Variants in ZHX2 observed in about 807,000 individuals in gnomAD.
ZHX2 encodes the protein zinc fingers and homeoboxes protein 2.
A neutral mutation model predicts 21.9 loss-of-function variants in ZHX2; 6 were observed. The observed-to-expected ratio is 0.27, with a 90% CI of 0.15 to 0.54. The LOEUF is 0.54. Ranked by LOEUF, ZHX2 falls within the 20% of genes least tolerant of loss-of-function variation. The pLI is 0.95. For synonymous variants in ZHX2, 434 were observed against 437.1 expected (o/e 0.99, Z 0.09); for missense variants, 908 against 1,090.7 (o/e 0.83, Z 2.36).
Position 122,817,330 on chromosome 8 carries a change from C to T in ZHX2, c.-283+35384C>T, listed in dbSNP as rs569025297. 3.9e-5 allele frequency among the ~76,000 whole-genome samples: 6 copies of T among 152,322 alleles called. No individual in the cohort carries two copies. The East Asian group carries it at 7.7e-4, about 20-fold the overall frequency. On this transcript the variant is annotated intron_variant, in intron 1 of 3. Transcript: ENST00000314393. ...TACAGGCCCTTTTATCCTGCCCCAC[C>T]TGCCCACTCACTGTGCCCAGCACCA...
chr8:122,896,078 A>G (rs1387176569), intron 2 of ZHX2, among the ~76,000 whole-genome samples: 1 of 152,154 alleles, frequency 6.6e-6, no homozygotes, highest in African/African-American at 2.4e-5. Context: ...TGGGGAGTCC[A>G]TCCTGCCTGA....
chr8:122,953,919 G>T lies in ZHX2; in HGVS notation c.2409G>T (p.Ala803=), dbSNP rs3802265. ...YVEVTVGEED[A]ISDRSDSWSQ... is the part of the protein sequence containing the mutation. ...AGGTGACGGTCGGGGAGGAGGATGC[G>T]ATCTCAGATAGATCAGATAGCTGGA... The change falls in exon 3 of 4, where the codon GCG becomes GCT. Residue 803 remains alanine, a synonymous_variant. Coordinates refer to ENST00000314393, the MANE Select transcript of ZHX2 (RefSeq NM_014943.5). This position sits in a 1 kb window ranked among gnomAD's most constrained non-coding sequence, Gnocchi z 4.6. 5.6e-6 allele frequency: 9 copies of T among 1,613,860 alleles called. No individual in the cohort carries two copies. In the South Asian group the frequency reaches 9.9e-5, roughly 18 times the overall value.
At chr8:122,847,220 T>C (rs925574506) in intron 1 of ZHX2, among the ~76,000 whole-genome samples, 6 of 152,108 alleles carry the variant, frequency 3.9e-5, no homozygotes, top group Non-Finnish European at 1.5e-5. Context: ...AATTCTTCCG[T>C]CCTCTGTGTG....
At chr8:122,799,680 C>G (rs1817678968) in intron 1 of ZHX2, among the ~76,000 whole-genome samples, 1 of 152,168 alleles carries the variant, frequency 6.6e-6, no homozygotes, top group Admixed American at 6.5e-5. Context: ...GCTGAGGGCT[C>G]AGCCTCTGTG....
chr8:122,808,752 T>C (rs1817870687), intron 1 of ZHX2: 1 of 152,206 alleles, frequency 6.6e-6, no homozygotes. Flanking sequence ...GATTTACAGC[T>C]GAGGAATCCA....
At chr8:122,790,744 A>T (rs1048676732) in intron 1 of ZHX2, among the ~76,000 whole-genome samples, 16 of 152,112 alleles carry the variant, frequency 1.1e-4, no homozygotes, top group African/African-American at 3.4e-4. Context: ...AGTAGCTGGG[A>T]CTACAGGTGC....
At chr8:122,940,074 A>G (rs1050962478) in intron 2 of ZHX2, among the ~76,000 whole-genome samples, 2 of 152,226 alleles carry the variant, frequency 1.3e-5, no homozygotes, top group Non-Finnish European at 2.9e-5. Flanking sequence ...ATTAACATGC[A>G]GCATTTGGTA....
At chr8:122,928,700 G>T (rs775148609) in intron 2 of ZHX2, among the ~76,000 whole-genome samples, 7 of 152,128 alleles carry the variant, frequency 4.6e-5, no homozygotes, top group Non-Finnish European at 8.8e-5. Context: ...GGAATGTTAC[G>T]AACAAATGAC....
At chr8:122,871,466 G>A (rs1343609386) in intron 2 of ZHX2, among the ~76,000 whole-genome samples, 1 of 144,676 alleles carries the variant, frequency 6.9e-6, no homozygotes, top group African/African-American at 2.6e-5. Context: ...TTCATAGGTG[G>A]GAATTGAACA....
At chr8:122,808,861 G>A (rs984685633) in intron 1 of ZHX2, 1 of 152,232 alleles carries the variant, frequency 6.6e-6, no homozygotes, top group African/African-American at 2.4e-5. Context: ...GCTCCAAAGC[G>A]CTAGCTAGAC....
chr8:122,840,684 T>A (rs1818603868), intron 1 of ZHX2, among the ~76,000 whole-genome samples: 1 of 152,238 alleles, frequency 6.6e-6, no homozygotes, highest in Admixed American at 6.5e-5. Context: ...TCATTACTGT[T>A]GGGTTTTCAT....
At chr8:122,898,159 A>G (rs1215704196) in intron 2 of ZHX2, among the ~76,000 whole-genome samples, 2 of 152,208 alleles carry the variant, frequency 1.3e-5, no homozygotes, top group Admixed American at 1.3e-4. Context: ...AGATGAGGAA[A>G]CTTAACCTCA....
chr8:122,876,612 G>T (rs372006745), intron 2 of ZHX2, among the ~76,000 whole-genome samples: 1 of 152,210 alleles, frequency 6.6e-6, no homozygotes, highest in African/African-American at 2.4e-5. Context: ...ATTGAGGGTT[G>T]TCACTTTTTT....
At chr8:122,967,558 G>C (rs1464261271) in intron 3 of ZHX2, among the ~76,000 whole-genome samples, 2 of 152,222 alleles carry the variant, frequency 1.3e-5, no homozygotes, top group African/African-American at 4.8e-5. Flanking sequence ...GGTGGCATGG[G>C]AGTGAAGTGG....
At chr8:122,813,860 G>C (rs1363432379) in intron 1 of ZHX2, among the ~76,000 whole-genome samples, 3 of 152,094 alleles carry the variant, frequency 2.0e-5, no homozygotes, top group African/African-American at 7.2e-5. Flanking sequence ...TGCTAATTAT[G>C]ATGATGACTG....
chr8:122,956,672 G>A (rs1280182459), intron 3 of ZHX2, among the ~76,000 whole-genome samples: 1 of 152,230 alleles, frequency 6.6e-6, no homozygotes, highest in Admixed American at 6.5e-5. Context: ...TAAAGGATAA[G>A]AGGAGGCAAA....
intron 2 of ZHX2, among the ~76,000 whole-genome samples, chr8:122,886,012 AAG>A (rs1463666904): frequency 6.6e-6 from 1 of 152,196 alleles, no homozygotes; most frequent in Non-Finnish European, 1.5e-5. Context: ...CAGGAAAAAA[AAG>A]AGAAAATTAT....
In ZHX2 at chr8:122,974,424, C is replaced by T. The variant is rs1010036723; in HGVS notation, c.*1187C>T. On this transcript the variant is annotated 3_prime_UTR_variant, in exon 4 of 4. Transcript: ENST00000314393. ...ATTTGAGTACACCGCACAAGTCAAA[C>T]GCTAGGAAGTTTGAATAAAACCAAT... 4 of 152,062 alleles carry T rather than the reference C, an allele frequency of 2.6e-5. No homozygotes were observed. The highest frequency in any genetic ancestry group is 1.9e-4 in the East Asian group (1 of 5,172). 9.4% of individuals were successfully genotyped at this position (152,062 alleles called of 1,614,324 possible).
intron 1 of ZHX2, among the ~76,000 whole-genome samples, chr8:122,847,203 C>T (rs986128213): frequency 2.0e-5 from 3 of 152,158 alleles, no homozygotes; most frequent in African/African-American, 7.2e-5. Flanking sequence ...GGGCTGGGTC[C>T]TTGTGAAATT....
Sources: gnomAD v4.1 joint callset for allele counts (sites outside exome capture counted in the v4.1 genomes callset) on GRCh38, gnomAD v4.1.1 for gene constraint, Gnocchi (gnomAD v3.1) non-coding constraint, MANE v1.5 for transcripts, NCBI Gene and HGNC (gene_info 2026-07-23, HGNC 2026-07-21) for gene names.